The following LINGO2 variants were observed in gnomAD, a reference collection of about 807,000 sequenced individuals.
LINGO2 encodes the protein leucine-rich repeat and immunoglobulin-like domain-containing nogo receptor-interacting protein 2.
A neutral mutation model predicts 30.6 loss-of-function variants in LINGO2; 14 were observed. The observed-to-expected ratio is 0.46, with a 90% confidence interval of 0.30 to 0.72. The LOEUF is 0.72. Ranked by LOEUF, LINGO2 falls within the 30% of genes least tolerant of loss-of-function variation. The pLI, the probability that LINGO2 is intolerant of heterozygous loss-of-function variation, is 0.07. For synonymous variants in LINGO2, 317 were observed against 288.5 expected (o/e 1.10, Z -1.00); for missense variants, 729 against 751.7 (o/e 0.97, Z 0.35).
the LINGO2 span, among the ~76,000 whole-genome samples, chr9:28,912,308 A>C: frequency 6.6e-6 from 1 of 152,172 alleles, no homozygotes; most frequent in South Asian, 2.1e-4. Context: ...TGCTGCCCAT[A>C]CTTTTCTTTT....
the LINGO2 span, among the ~76,000 whole-genome samples, chr9:29,185,234 T>C: frequency 1.3e-5 from 2 of 152,244 alleles, no homozygotes; most frequent in East Asian, 3.9e-4. Context: ...CAGAACATGC[T>C]AGGCCTTTCA....
chr9:28,716,170 A>C, the LINGO2 span, among the ~76,000 whole-genome samples: 1 of 152,016 alleles, frequency 6.6e-6, no homozygotes, highest in South Asian at 2.1e-4. Context: ...TTAAAAAAAA[A>C]AACAACATAA....
intron 1 of LINGO2, among the ~76,000 whole-genome samples, chr9:28,521,881 C>A (rs1195781183): frequency 2.0e-5 from 3 of 152,064 alleles, no homozygotes; most frequent in Admixed American, 2.0e-4. Flanking sequence ...AAGGTGGAGA[C>A]AGGTTGGAAT....
the LINGO2 span, among the ~76,000 whole-genome samples, chr9:29,127,198 G>A: frequency 1.3e-5 from 2 of 152,078 alleles, no homozygotes; most frequent in African/African-American, 4.8e-5. Flanking sequence ...TTGCTCAAGC[G>A]TGTTCCCACT....
At chr9:29,173,204 T>C in the LINGO2 span, among the ~76,000 whole-genome samples, 1 of 151,888 alleles carries the variant, frequency 6.6e-6, no homozygotes, top group South Asian at 2.1e-4. Flanking sequence ...TGGAATAGAG[T>C]GTCCTGACTA....
At chr9:28,665,277 A>C (rs568549670) in intron 1 of LINGO2, among the ~76,000 whole-genome samples, 15 of 151,920 alleles carry the variant, frequency 9.9e-5, no homozygotes, top group Non-Finnish European at 1.8e-4. Flanking sequence ...TAAATAAAAG[A>C]TATGGGTTCC....
chr9:28,531,875 T>C, intron 1 of LINGO2, among the ~76,000 whole-genome samples: 1 of 152,148 alleles, frequency 6.6e-6, no homozygotes, highest in East Asian at 1.9e-4. Flanking sequence ...AACTTTCAGA[T>C]GCACTGAATT....
chr9:28,837,508 G>A, the LINGO2 span, among the ~76,000 whole-genome samples: 1 of 150,956 alleles, frequency 6.6e-6, no homozygotes, highest in African/African-American at 2.4e-5. Flanking sequence ...TTAGCTGGGT[G>A]GGGTGGTGCA....
At chr9:28,354,233 A>C (rs1425866516) in intron 3 of LINGO2, among the ~76,000 whole-genome samples, 1 of 152,196 alleles carries the variant, frequency 6.6e-6, no homozygotes, top group Non-Finnish European at 1.5e-5. Context: ...TTGGCTTTTA[A>C]GGTGATACGG....
intron 1 of LINGO2, among the ~76,000 whole-genome samples, chr9:28,514,219 G>A (rs892319919): frequency 1.6e-4 from 24 of 152,080 alleles, no homozygotes; most frequent in Admixed American, 1.2e-3. Context: ...TCTTGGAGAC[G>A]CAACAACATT....
At chr9:28,805,237 C>G in the LINGO2 span, among the ~76,000 whole-genome samples, 1 of 152,288 alleles carries the variant, frequency 6.6e-6, no homozygotes, top group East Asian at 1.9e-4. Flanking sequence ...AGCTGCTGCA[C>G]ACATTTCCTG....
the LINGO2 span, among the ~76,000 whole-genome samples, chr9:29,137,651 C>T: frequency 2.0e-5 from 3 of 152,058 alleles, no homozygotes; most frequent in Non-Finnish European, 2.9e-5. Flanking sequence ...AGGGCATGGG[C>T]TCAAATTTGG....
the LINGO2 span, among the ~76,000 whole-genome samples, chr9:29,054,504 A>C: frequency 6.6e-6 from 1 of 152,300 alleles, no homozygotes; most frequent in Admixed American, 6.5e-5. Flanking sequence ...ACTTTCATTT[A>C]GTACCTGAAG....
chr9:29,037,080 C>CT, the LINGO2 span, among the ~76,000 whole-genome samples: 6,247 of 151,472 alleles, frequency 0.041, 195 homozygotes, highest in Admixed American at 0.082. Context: ...TCTGCTTACT[C>CT]TTTTTTTTGT....
At chr9:28,142,758 C>T (rs932266580) in intron 4 of LINGO2, among the ~76,000 whole-genome samples, 2 of 152,112 alleles carry the variant, frequency 1.3e-5, no homozygotes, top group Admixed American at 1.3e-4. Flanking sequence ...GTTAAGGATG[C>T]TAGCCCTTTA....
At chr9:28,331,600 G>A (rs1171082152) in intron 3 of LINGO2, among the ~76,000 whole-genome samples, 1 of 152,070 alleles carries the variant, frequency 6.6e-6, no homozygotes, top group Non-Finnish European at 1.5e-5. Flanking sequence ...CAACATCCTG[G>A]GCTCTGGTGA....
intron 1 of LINGO2, among the ~76,000 whole-genome samples, chr9:28,481,871 G>A (rs1037359103): frequency 6.6e-6 from 1 of 151,858 alleles, no homozygotes; most frequent in Non-Finnish European, 1.5e-5. Context: ...AGAATATGCG[G>A]TGTTTGGTTC....
At chr9:28,662,159 C>T (rs1828609303) in intron 1 of LINGO2, among the ~76,000 whole-genome samples, 2 of 152,078 alleles carry the variant, frequency 1.3e-5, no homozygotes, top group East Asian at 1.9e-4. Context: ...CACTCAGAGT[C>T]ATAAAAAGAT....
intron 1 of LINGO2, among the ~76,000 whole-genome samples, chr9:28,528,314 G>T (rs1482914119): frequency 2.6e-5 from 4 of 152,188 alleles, no homozygotes; most frequent in Non-Finnish European, 5.9e-5. Flanking sequence ...GTAGTTGTCA[G>T]AAGCTATCTT....
Sources: gnomAD v4.1 joint callset for allele counts (sites outside exome capture counted in the v4.1 genomes callset) on GRCh38, gnomAD v4.1.1 for gene constraint, MANE v1.5 for transcripts, NCBI Gene and HGNC (gene_info 2026-07-23, HGNC 2026-07-21) for gene names.